Variants in PLAG1 observed in about 807,000 individuals in gnomAD.
The protein encoded by PLAG1 is PLAG1 zinc finger.
Under a neutral mutation model 35.5 loss-of-function variants are expected in PLAG1, and 7 were observed. That is an observed-to-expected ratio of 0.20 (90% CI 0.11 to 0.37). The LOEUF is 0.37. PLAG1 is among the 10% of genes least tolerant of loss of function. The probability of loss-of-function intolerance (pLI) is 1.00; values close to 1 mark genes in which losing one functional copy is unlikely to be tolerated. For missense variants in PLAG1, 454 were observed against 602.8 expected, an observed-to-expected ratio of 0.75 and a Z score of 2.58; for synonymous variants, 229 against 225.4, an observed-to-expected ratio of 1.02 and a Z score of -0.14.
chr8:56,182,078 G>C (rs1030786415), intron 1 of PLAG1, among the ~76,000 whole-genome samples: 1 of 152,176 alleles, frequency 6.6e-6, no homozygotes, highest in Non-Finnish European at 1.5e-5. Flanking sequence ...GATGAGAAAA[G>C]TGCCCAATGG....
chr8:56,209,542 C>G (rs1422334579), intron 1 of PLAG1: 1 of 152,384 alleles, frequency 6.6e-6, no homozygotes, highest in Non-Finnish European at 1.5e-5. Context: ...ATGCCCTGCT[C>G]TGTCCCATAT....
chr8:56,194,334 A>AG (rs1453100816), intron 1 of PLAG1, among the ~76,000 whole-genome samples: 14 of 152,010 alleles, frequency 9.2e-5, no homozygotes, highest in African/African-American at 3.4e-4. Flanking sequence ...AAAAAAAAAA[A>AG]AAGGAAAAAG....
intron 1 of PLAG1, among the ~76,000 whole-genome samples, chr8:56,194,623 CGT>C (rs369644515): frequency 1.2e-4 from 18 of 150,516 alleles, no homozygotes; most frequent in South Asian, 4.2e-4. Context: ...GTGTGTGTGG[CGT>C]GTGTGTGTTT....
intron 1 of PLAG1, chr8:56,209,401 G>A (rs904259896): frequency 3.3e-5 from 5 of 152,220 alleles, no homozygotes; most frequent in African/African-American, 9.7e-5. Flanking sequence ...CTATGGGTGG[G>A]TGCACTGGAG....
intron 1 of PLAG1, among the ~76,000 whole-genome samples, chr8:56,196,330 C>T (rs1483554440): frequency 1.3e-5 from 2 of 152,190 alleles, no homozygotes; most frequent in Non-Finnish European, 2.9e-5. Context: ...AGGGGTTCTT[C>T]ACTCTACTGT....
chr8:56,162,790 T>A lies in PLAG1; in HGVS notation c.*3453A>T, dbSNP rs1017233910. ...GCTCTGGCTCATGTTTCAGTCAGTA[T>A]ATGGTTTTTAAAAACCGCTACTGTC... is the stretch of plus-strand genomic sequence containing the variant. On this transcript the variant is annotated 3_prime_UTR_variant, in exon 5 of 5. Transcript: ENST00000316981. 1 of 213,092 alleles carries A rather than the reference T, an allele frequency of 4.7e-6. No homozygotes were observed. The highest frequency in any genetic ancestry group is 9.5e-6 in the Non-Finnish European group (1 of 104,976). The allele number at this position is 213,092 out of a possible 1,614,324, so 13.2% of individuals were successfully genotyped here.
At chr8:56,177,066 CTATAAA>C (rs1299988978) in intron 2 of PLAG1, among the ~76,000 whole-genome samples, 1 of 152,110 alleles carries the variant, frequency 6.6e-6, no homozygotes, top group Non-Finnish European at 1.5e-5. Flanking sequence ...TTTTACTTAG[CTATAAA>C]TATAAGTTGT....
intron 1 of PLAG1, among the ~76,000 whole-genome samples, chr8:56,188,667 C>T (rs1292191137): frequency 6.6e-6 from 1 of 152,210 alleles, no homozygotes; most frequent in Non-Finnish European, 1.5e-5. Flanking sequence ...TGAGTATGTA[C>T]TTTCTCATGT....
chr8:56,196,945 AGTGTGCGTGTGT>A (rs1485401546), intron 1 of PLAG1, among the ~76,000 whole-genome samples: 20 of 84,200 alleles, frequency 2.4e-4, no homozygotes, highest in African/African-American at 5.8e-4. Context: ...CTCCCTCCCT[AGTGTGCGTGTGT>A]GTGTGTGTGT....
intron 1 of PLAG1, among the ~76,000 whole-genome samples, chr8:56,181,686 G>A (rs536838155): frequency 3.9e-5 from 6 of 152,164 alleles, no homozygotes; most frequent in African/African-American, 7.2e-5. Flanking sequence ...AAACCTGCAC[G>A]TTCTGCACAT....
Position 56,162,832 on chromosome 8 carries a change from A to G in PLAG1, c.*3411T>C, listed in dbSNP as rs1811243974. 4.6e-6 allele frequency: 1 copy of G among 215,434 alleles called. No homozygotes were observed. The allele number at this position is 215,434 out of a possible 1,614,324, so 13.3% of individuals were successfully genotyped here. A position where few individuals can be genotyped will look rare whatever the true frequency, so the allele number is the denominator to read the frequency against. Reference sequence around the variant, plus strand: ...GCTACTGTCCAAATTAACACAATATATCACTATATTCCACAAATGACTAAG... The same window carrying G: ...GCTACTGTCCAAATTAACACAATATGTCACTATATTCCACAAATGACTAAG... On this transcript the variant is annotated 3_prime_UTR_variant, in exon 5 of 5. Coordinates refer to ENST00000316981, the MANE Select transcript of PLAG1 (RefSeq NM_002655.3).
At chr8:56,192,489 T>C (rs1385619141) in intron 1 of PLAG1, among the ~76,000 whole-genome samples, 11 of 152,236 alleles carry the variant, frequency 7.2e-5, no homozygotes, top group African/African-American at 2.7e-4. Context: ...ACAATCTTTA[T>C]ACAATGTTAC....
chr8:56,169,392 T>C (rs1005805120), intron 3 of PLAG1, among the ~76,000 whole-genome samples: 3 of 152,204 alleles, frequency 2.0e-5, no homozygotes, highest in Admixed American at 1.3e-4. Context: ...GGAGTATATC[T>C]TTTTAAACAA....
At chr8:56,198,310 T>G (rs1202965766) in intron 1 of PLAG1, among the ~76,000 whole-genome samples, 1 of 152,034 alleles carries the variant, frequency 6.6e-6, no homozygotes, top group South Asian at 2.1e-4. Flanking sequence ...GAGAAGGACG[T>G]GGCTGTGCAG....
Position 56,164,662 on chromosome 8 carries a change from T to C in PLAG1, c.*1581A>G, listed in dbSNP as rs1479656353. 9.0e-6 allele frequency: 2 copies of C among 221,314 alleles called. No individual in the cohort carries two copies. Among genetic ancestry groups the C allele is most frequent in the East Asian group, 6.6e-5 (1 of 15,058 alleles). 13.7% of individuals were successfully genotyped at this position (221,314 alleles called of 1,614,324 possible). A position where few individuals can be genotyped will look rare whatever the true frequency, so the allele number is the denominator to read the frequency against. On this transcript the variant is annotated 3_prime_UTR_variant, in exon 5 of 5. Coordinates refer to ENST00000316981, the MANE Select transcript of PLAG1 (RefSeq NM_002655.3). ...AAATAAGGTGTTAACAAGTGCTTAA[T>C]AGATATGTTTCTTAGGTTAATGTCC...
chr8:56,193,632 C>T (rs75726731), intron 1 of PLAG1, among the ~76,000 whole-genome samples: 2,303 of 151,908 alleles, frequency 0.015, 28 homozygotes, highest in Middle Eastern at 0.037. Flanking sequence ...TCTAAGCATT[C>T]GAGACTGATG....
At chr8:56,193,950 C>A (rs1812271596) in intron 1 of PLAG1, among the ~76,000 whole-genome samples, 1 of 152,036 alleles carries the variant, frequency 6.6e-6, no homozygotes, top group Admixed American at 6.5e-5. Context: ...GATCTCTCGA[C>A]CCCGTGATCC....
At chr8:56,172,060 T>C (rs913433706) in intron 2 of PLAG1, among the ~76,000 whole-genome samples, 2 of 152,172 alleles carry the variant, frequency 1.3e-5, no homozygotes. Flanking sequence ...ATTTTAAAGA[T>C]GAACATTCAG....
intron 1 of PLAG1, among the ~76,000 whole-genome samples, chr8:56,206,217 A>G (rs555111706): frequency 7.4e-4 from 112 of 152,134 alleles, no homozygotes; most frequent in Non-Finnish European, 1.5e-3. Context: ...GGATAGCTAT[A>G]AACAGTGAGT....
Sources: allele counts gnomAD v4.1 joint callset (sites outside exome capture counted in the v4.1 genomes callset), GRCh38; gene constraint gnomAD v4.1.1; transcripts MANE v1.5; gene names NCBI Gene and HGNC (gene_info 2026-07-23, HGNC 2026-07-21).